Variants in DUSP11 observed in about 807,000 individuals in gnomAD.
DUSP11 encodes RNA/RNP complex-1-interacting phosphatase.
Under a neutral mutation model 41.4 loss-of-function variants are expected in DUSP11, and 27 were observed. The observed-to-expected ratio is 0.65, with a 90% CI of 0.48 to 0.90. The LOEUF (loss-of-function observed/expected upper bound fraction) is 0.90. Among genes scored for constraint, DUSP11 ranks in the 40% least tolerant of loss-of-function variants. The pLI is 0.00. For synonymous variants in DUSP11, 188 were observed against 159.3 expected, an observed-to-expected ratio of 1.18 and a Z score of -1.35; for missense variants, 465 against 461.1, an observed-to-expected ratio of 1.01 and a Z score of -0.08.
intron 6 of DUSP11, 109 bp from the exon 7 acceptor site, chr2:73,767,012 C>T (rs567459635): frequency 8.3e-6 from 10 of 1,205,096 alleles, no homozygotes; most frequent in South Asian, 3.8e-5. Context: ...TCACTACTTC[C>T]ACATACATCT....
exon 8 of DUSP11, chr2:73,766,578 C>A: frequency 6.2e-7 from 1 of 1,607,712 alleles, no homozygotes; most frequent in Non-Finnish European, 8.5e-7. Context: ...GACCTGGGTA[C>A]ACTGGAATTC....
In DUSP11 at chr2:73,778,287, T is replaced by C. The variant is rs867471412; in HGVS notation, c.318+14A>G. 6.4e-7 allele frequency: 1 copy of C among 1,566,326 alleles called. No homozygotes were observed. The highest frequency in any genetic ancestry group is 1.7e-4 in the Middle Eastern group (1 of 5,984). On this transcript the variant is annotated intron_variant, in intron 2 of 8. Transcript: ENST00000272444. ...TCAGATGCCTGAAAGAATACTGAATTAACTTTTGCTTACCTTTTGCAAAGG... is the reference window on the plus strand; with the variant it reads ...TCAGATGCCTGAAAGAATACTGAATCAACTTTTGCTTACCTTTTGCAAAGG...
intron 4 of DUSP11, among the ~76,000 whole-genome samples, chr2:73,771,388 T>G (rs1031240287): frequency 6.6e-6 from 1 of 152,212 alleles, no homozygotes; most frequent in Non-Finnish European, 1.5e-5. Context: ...CTGGCAAAAT[T>G]CTCATCCCTG....
Position 73,780,003 on chromosome 2 carries a change from G to GC in DUSP11, c.112dup (p.Ala38GlyfsTer72). 6.2e-7 allele frequency: 1 copy of GC among 1,614,210 alleles called. No homozygotes were observed. The highest frequency in any genetic ancestry group is 8.5e-7 in the Non-Finnish European group (1 of 1,180,028). ...GGTCCCAAGAAGCCGCCCACCCAAT[G>GC]CCAAGTCGGCCAAAAGCGCCAGTCC... On this transcript the variant is annotated frameshift_variant, in exon 1 of 9. Transcript: ENST00000272444. LOFTEE classifies it high-confidence loss of function.
At chr2:73,774,937 A>G (rs1672650673) in exon 3 of DUSP11, 1 of 1,608,078 alleles carries the variant, frequency 6.2e-7, no homozygotes, top group African/African-American at 1.3e-5. Flanking sequence ...AGCGTTGAGT[A>G]TATGTTAAAT....
Position 73,762,867 on chromosome 2 carries a change from C to A in DUSP11, c.936-8G>T, listed in dbSNP as rs1361785298. 10 of 1,534,574 alleles carry A rather than the reference C, an allele frequency of 6.5e-6. No individual in the cohort carries two copies. The highest frequency in any genetic ancestry group is 2.7e-5 in the African/African-American group (2 of 72,794). On this transcript the variant is annotated splice_region_variant and splice_polypyrimidine_tract_variant and intron_variant, in intron 8 of 8. Coordinates refer to ENST00000272444, the Ensembl canonical transcript of DUSP11. ...GGATTCTCTGAAAATTTTCTTAAAG[C>A]AAAACAAAAAGTAATAAGCCATTAC... is the stretch of plus-strand genomic sequence containing the variant.
At chr2:73,768,755 G>A (rs1672518630) in intron 5 of DUSP11, 1 of 615,198 alleles carries the variant, frequency 1.6e-6, no homozygotes, top group Admixed American at 6.3e-5. Flanking sequence ...AGGAGATCAA[G>A]ACCATCCTGG....
intron 4 of DUSP11, among the ~76,000 whole-genome samples, chr2:73,771,949 T>C (rs747725359): frequency 1.3e-5 from 2 of 151,298 alleles, no homozygotes; most frequent in Non-Finnish European, 2.9e-5. Flanking sequence ...GCCCCCCGAG[T>C]AGCTTGGACT....
intron 8 of DUSP11, among the ~76,000 whole-genome samples, chr2:73,765,573 TATCCATCCATCC>T (rs747641644): frequency 2.0e-5 from 3 of 151,592 alleles, no homozygotes; most frequent in Admixed American, 2.0e-4. Context: ...CCCATCCATC[TATCCATCCATCC>T]ATCCATCCAT....
At chr2:73,766,771 T>G in intron 7 of DUSP11, 57 bp downstream of exon 7, 1 of 1,464,424 alleles carries the variant, frequency 6.8e-7, no homozygotes, top group Non-Finnish European at 9.5e-7. Context: ...CAACTTAAAT[T>G]ACATAAACAG....
intron 5 of DUSP11, chr2:73,768,685 G>C (rs900076767): frequency 1.0e-6 from 1 of 985,114 alleles, no homozygotes; most frequent in African/African-American, 1.7e-5. Flanking sequence ...GGCCAGGCGC[G>C]GTGGCTCACT....
chr2:73,767,134 A>T (rs755515518), intron 6 of DUSP11, 27 bp downstream of exon 6: 4 of 1,588,196 alleles, frequency 2.5e-6, no homozygotes, highest in Non-Finnish European at 3.4e-6. Flanking sequence ...AATAAAAGGG[A>T]AAAATAGTGT....
Position 73,769,292 on chromosome 2 carries a change from A to T in DUSP11, c.608T>A (p.Leu203Ter). ...GCAAATGAGGTAGCCAGTCCTGTTTAAACCATGGGTACAGTGGACACCAAT... is the reference window on the plus strand; with the variant it reads ...GCAAATGAGGTAGCCAGTCCTGTTTTAACCATGGGTACAGTGGACACCAAT... Residue 203 changes from leucine to a stop codon, truncating the protein, a stop_gained, in exon 5 of 9, where the codon TTA (leucine) becomes TAA (stop). Coordinates refer to ENST00000272444, the Ensembl canonical transcript of DUSP11. LOFTEE classifies it high-confidence loss of function. 6.2e-7 allele frequency: 1 copy of T among 1,613,914 alleles called. No individual in the cohort carries two copies. The highest frequency in any genetic ancestry group is 8.5e-7 in the Non-Finnish European group (1 of 1,179,852).
chr2:73,778,503 C>T (rs1462648057), intron 1 of DUSP11, 127 bp from the exon 2 acceptor site: 3 of 537,286 alleles, frequency 5.6e-6, no homozygotes, highest in African/African-American at 2.0e-5. Context: ...CTTTGCATTT[C>T]GCCACTCCAC....
chr2:73,773,566 A>T, intron 4 of DUSP11: 1 of 436,398 alleles, frequency 2.3e-6, no homozygotes, highest in Non-Finnish European at 4.2e-6. Context: ...TAAAAAAGAA[A>T]GATGAGCCAG....
chr2:73,763,248 G>A (rs1553369845), intron 8 of DUSP11, among the ~76,000 whole-genome samples: 1 of 152,132 alleles, frequency 6.6e-6, no homozygotes, highest in Non-Finnish European at 1.5e-5. Flanking sequence ...GTTGACATAA[G>A]ACAGAATAAG....
At chr2:73,770,284 G>A (rs1672549170) in intron 4 of DUSP11, among the ~76,000 whole-genome samples, 2 of 151,946 alleles carry the variant, frequency 1.3e-5, no homozygotes, top group African/African-American at 2.4e-5. Flanking sequence ...GGAGGCGGAG[G>A]TGGGTGGATC....
In DUSP11 at chr2:73,778,194, A is replaced by G. The variant is rs965731202; in HGVS notation, c.318+107T>C. On this transcript the variant is annotated intron_variant, in intron 2 of 8. Transcript: ENST00000272444. ...TTCAGGATAGTAAAGGGGTCATTAC[A>G]AAGTATTTGCTATAAAAAGAGAAAA... The G allele has an allele frequency of 5.6e-5, 39 of 694,926 alleles. No homozygotes were observed. The Middle Eastern group carries it at 1.5e-3, about 27-fold the overall frequency. 43.0% of individuals were successfully genotyped at this position (694,926 alleles called of 1,614,324 possible).
intron 3 of DUSP11, among the ~76,000 whole-genome samples, chr2:73,774,373 T>G (rs1210626546): frequency 6.6e-6 from 1 of 152,122 alleles, no homozygotes; most frequent in Non-Finnish European, 1.5e-5. Flanking sequence ...GGGAGAAAAG[T>G]AGATACAGAT....
Sources: gnomAD v4.1 joint callset for allele counts (sites outside exome capture counted in the v4.1 genomes callset) on GRCh38, gnomAD v4.1.1 for gene constraint, MANE v1.5 for transcripts, NCBI Gene and HGNC (gene_info 2026-07-23, HGNC 2026-07-21) for gene names.